The following SORT1 variants were observed in gnomAD, a reference collection of about 807,000 sequenced individuals.
The protein encoded by SORT1 is sortilin.
A neutral mutation model predicts 101.7 loss-of-function variants in SORT1; 39 were observed. That is an observed-to-expected ratio of 0.38 (90% confidence interval 0.30 to 0.50). The LOEUF is 0.50. Among genes scored for constraint, SORT1 ranks in the 20% least tolerant of loss-of-function variants. The pLI, the probability that SORT1 is intolerant of heterozygous loss-of-function variation, is 0.90. For missense variants in SORT1, 878 were observed against 1,040.4 expected, an observed-to-expected ratio of 0.84 and a Z score of 2.15; for synonymous variants, 396 against 393.7, an observed-to-expected ratio of 1.01 and a Z score of -0.07.
At chr1:109,386,896 G>A (rs1381512568) in intron 1 of SORT1, among the ~76,000 whole-genome samples, 1 of 152,192 alleles carries the variant, frequency 6.6e-6, no homozygotes, top group Non-Finnish European at 1.5e-5. Flanking sequence ...AAATATGCAA[G>A]GTGCTATTTC....
chr1:109,363,393 A>T (rs907947420), intron 3 of SORT1, among the ~76,000 whole-genome samples: 1 of 152,164 alleles, frequency 6.6e-6, no homozygotes, highest in African/African-American at 2.4e-5. Flanking sequence ...AGGAAATCAA[A>T]ATTTATACTA....
chr1:109,349,100 CT>C (rs1219373972), intron 6 of SORT1, among the ~76,000 whole-genome samples: 1 of 152,134 alleles, frequency 6.6e-6, no homozygotes, highest in African/African-American at 2.4e-5. Flanking sequence ...AATCCCAGCA[CT>C]TTTGGGAGGC....
At chr1:109,387,609 T>A (rs537740138) in intron 1 of SORT1, among the ~76,000 whole-genome samples, 1 of 152,346 alleles carries the variant, frequency 6.6e-6, no homozygotes, top group Admixed American at 6.5e-5. Context: ...CTGATTACTG[T>A]TTTCTGATTA....
At chr1:109,364,752 T>TTCATTTAACA (rs1217403837) in intron 3 of SORT1, among the ~76,000 whole-genome samples, 1 of 152,148 alleles carries the variant, frequency 6.6e-6, no homozygotes, top group Non-Finnish European at 1.5e-5. Flanking sequence ...TTTTAACAAC[T>TTCATTTAACA]GGTACAGCAA....
intron 1 of SORT1, among the ~76,000 whole-genome samples, chr1:109,394,988 A>T (rs1248159320): frequency 3.9e-5 from 6 of 152,140 alleles, no homozygotes; most frequent in Non-Finnish European, 7.3e-5. Context: ...AAAATACTAG[A>T]TCTCTTCAAT....
intron 1 of SORT1, chr1:109,393,377 G>C: frequency 1.1e-6 from 1 of 879,496 alleles, no homozygotes; most frequent in Non-Finnish European, 1.4e-6. Context: ...TAAGGAAATT[G>C]TCAAATGGTC....
intron 1 of SORT1, among the ~76,000 whole-genome samples, chr1:109,376,729 C>A (rs903001928): frequency 6.6e-6 from 1 of 152,074 alleles, no homozygotes; most frequent in South Asian, 2.1e-4. Context: ...ACAACAGAAA[C>A]GGGATTATTA....
chr1:109,397,227 A>C (rs1361443187), intron 1 of SORT1: 1 of 152,064 alleles, frequency 6.6e-6, no homozygotes, highest in Non-Finnish European at 1.5e-5. Flanking sequence ...GCGCAGCCCA[A>C]CTTCTGCAAG....
chr1:109,375,998 C>T (rs538075647), intron 1 of SORT1, among the ~76,000 whole-genome samples: 2 of 152,268 alleles, frequency 1.3e-5, no homozygotes, highest in East Asian at 3.9e-4. Flanking sequence ...TGTTTATACA[C>T]TGTTGGAGGG....
At chr1:109,319,401 C>T (rs1647466360) in intron 15 of SORT1, among the ~76,000 whole-genome samples, 1 of 152,230 alleles carries the variant, frequency 6.6e-6, no homozygotes, top group African/African-American at 2.4e-5. Context: ...CTCTCCCACT[C>T]AGCTGGCAGC....
At chr1:109,393,092 A>T in intron 1 of SORT1, 17 of 985,400 alleles carry the variant, frequency 1.7e-5, no homozygotes, top group Non-Finnish European at 2.0e-5. Flanking sequence ...CTTCAGCGGC[A>T]GCTCCCTGAA....
intron 1 of SORT1, among the ~76,000 whole-genome samples, chr1:109,379,330 C>T: frequency 6.6e-6 from 1 of 151,720 alleles, no homozygotes; most frequent in Admixed American, 6.6e-5. Flanking sequence ...ACAAAAAAAT[C>T]TCATAATGTT....
chr1:109,328,558 A>G (rs932460894), intron 11 of SORT1, among the ~76,000 whole-genome samples: 2 of 152,096 alleles, frequency 1.3e-5, no homozygotes, highest in South Asian at 2.1e-4. Context: ...TTCTTTGCCT[A>G]TTTTTTATTC....
At chr1:109,396,743 T>C (rs1653197369) in intron 1 of SORT1, among the ~76,000 whole-genome samples, 1 of 152,170 alleles carries the variant, frequency 6.6e-6, no homozygotes, top group African/African-American at 2.4e-5. Context: ...ATATATAGAA[T>C]TGAAAATACA....
intron 1 of SORT1, among the ~76,000 whole-genome samples, chr1:109,385,454 A>G (rs142070531): frequency 2.0e-5 from 3 of 152,358 alleles, no homozygotes; most frequent in Admixed American, 6.5e-5. Context: ...CACTTCCATG[A>G]AACAATTCAT....
chr1:109,374,444 A>G (rs1240257332), intron 1 of SORT1, among the ~76,000 whole-genome samples: 2 of 152,094 alleles, frequency 1.3e-5, no homozygotes, highest in African/African-American at 2.4e-5. Context: ...ACTAAAAATT[A>G]GCCAAGTGTG....
At chr1:109,367,618 T>C in intron 2 of SORT1, 137 bp from the exon 3 acceptor site, 1 of 546,552 alleles carries the variant, frequency 1.8e-6, no homozygotes, top group Non-Finnish European at 3.3e-6. Context: ...TAGAAGGATC[T>C]AGTTACTAGG....
In SORT1 at chr1:109,340,709, G is replaced by A. The variant is rs768856885; in HGVS notation, c.1264+15C>T. ...AGCTGAAGGCACAGTACACCACTGC[G>A]ATGCCGAGACTCACCTTCGGAGAGC... On this transcript the variant is annotated intron_variant, in intron 10 of 19. Coordinates refer to ENST00000256637, the MANE Select transcript of SORT1 (RefSeq NM_002959.7). 19 of 1,613,672 alleles carry A rather than the reference G, an allele frequency of 1.2e-5. No individual in the cohort carries two copies. Among genetic ancestry groups the A allele is most frequent in the South Asian group, 6.6e-5 (6 of 91,052 alleles).
chr1:109,387,318 A>G (rs1652628165), intron 1 of SORT1, among the ~76,000 whole-genome samples: 1 of 151,686 alleles, frequency 6.6e-6, no homozygotes, highest in South Asian at 2.1e-4. Context: ...AAAAATAAAT[A>G]ACTTTAAGTT....
Sources: gnomAD v4.1 joint callset for allele counts (sites outside exome capture counted in the v4.1 genomes callset) on GRCh38, gnomAD v4.1.1 for gene constraint, MANE v1.5 for transcripts, NCBI Gene and HGNC (gene_info 2026-07-23, HGNC 2026-07-21) for gene names.